The following CADPS2 variants were observed in gnomAD, a reference collection of about 807,000 sequenced individuals.
The protein encoded by CADPS2 is calcium-dependent secretion activator 2.
CADPS2 carries 93 observed loss-of-function variants against 172.5 expected under a neutral mutation model. That is an observed-to-expected ratio of 0.54 (90% CI 0.46 to 0.64). The LOEUF is 0.64. CADPS2 is among the 30% of genes least tolerant of loss of function. CADPS2 has a pLI of 0.00. For synonymous variants in CADPS2, 546 were observed against 555.2 expected, an observed-to-expected ratio of 0.98 and a Z score of 0.23; for missense variants, 1,420 against 1,565.9, an observed-to-expected ratio of 0.91 and a Z score of 1.57.
chr7:122,730,369 G>A (rs559785521), intron 2 of CADPS2, among the ~76,000 whole-genome samples: 2 of 151,728 alleles, frequency 1.3e-5, no homozygotes, highest in East Asian at 1.9e-4. Flanking sequence ...TACTTTGAGG[G>A]CAATTTAATA....
intron 19 of CADPS2, among the ~76,000 whole-genome samples, chr7:122,410,822 A>G (rs2047214194): frequency 6.6e-6 from 1 of 152,256 alleles, no homozygotes; most frequent in Non-Finnish European, 1.5e-5. Context: ...TCCAACACAA[A>G]TTAAATGGTG....
At chr7:122,769,409 A>C (rs13224552) in intron 1 of CADPS2, among the ~76,000 whole-genome samples, 33,649 of 152,004 alleles carry the variant, frequency 0.22, 4,037 homozygotes, top group Middle Eastern at 0.31. Flanking sequence ...GCCCTCCAGG[A>C]ACAGAATCCC....
intron 28 of CADPS2, among the ~76,000 whole-genome samples, chr7:122,340,572 A>G (rs1333414917): frequency 6.6e-6 from 1 of 152,150 alleles, no homozygotes; most frequent in Admixed American, 6.5e-5. Flanking sequence ...GTCAGTTTTG[A>G]CTTCTGAAAA....
intron 1 of CADPS2, among the ~76,000 whole-genome samples, chr7:122,787,260 C>G (rs1794263836): frequency 6.6e-6 from 1 of 152,124 alleles, no homozygotes; most frequent in Admixed American, 6.5e-5. Context: ...AAAATTTTAT[C>G]ACTTGTGTTT....
intron 1 of CADPS2, among the ~76,000 whole-genome samples, chr7:122,816,575 T>C (rs1258554735): frequency 1.3e-5 from 2 of 152,200 alleles, no homozygotes; most frequent in African/African-American, 2.4e-5. Flanking sequence ...GATCATACAG[T>C]AGTTCTATTT....
At chr7:122,751,982 C>A (rs1211562762) in intron 1 of CADPS2, among the ~76,000 whole-genome samples, 2 of 152,126 alleles carry the variant, frequency 1.3e-5, no homozygotes, top group African/African-American at 2.4e-5. Flanking sequence ...TCCTTAGATA[C>A]TCCCATTAGC....
intron 6 of CADPS2, among the ~76,000 whole-genome samples, chr7:122,583,248 T>G (rs1267072054): frequency 6.6e-6 from 1 of 152,056 alleles, no homozygotes; most frequent in Non-Finnish European, 1.5e-5. Flanking sequence ...TGATATATTT[T>G]AAGTGTCCAT....
intron 20 of CADPS2, among the ~76,000 whole-genome samples, chr7:122,396,637 T>C (rs148361264): frequency 1.4e-4 from 21 of 152,330 alleles, no homozygotes; most frequent in African/African-American, 4.6e-4. Flanking sequence ...GATACAGTCA[T>C]AATGACTTTC....
At chr7:122,828,040 G>C (rs1805448629) in intron 1 of CADPS2, among the ~76,000 whole-genome samples, 1 of 152,092 alleles carries the variant, frequency 6.6e-6, no homozygotes, top group African/African-American at 2.4e-5. Context: ...GTGGATGTCT[G>C]ATTTTCCTTT....
At chr7:122,824,625 T>A (rs1233472843) in intron 1 of CADPS2, among the ~76,000 whole-genome samples, 10 of 152,230 alleles carry the variant, frequency 6.6e-5, no homozygotes, top group African/African-American at 1.2e-4. Flanking sequence ...AAATAAATAC[T>A]TTTAGTCCTT....
intron 1 of CADPS2, among the ~76,000 whole-genome samples, chr7:122,782,654 T>A (rs1428703367): frequency 3.3e-5 from 5 of 152,196 alleles, no homozygotes; most frequent in Non-Finnish European, 7.3e-5. Context: ...TTTAATTTCC[T>A]TCTTTGCTTA....
chr7:122,736,358 T>G (rs939356162), intron 2 of CADPS2, among the ~76,000 whole-genome samples: 4 of 152,158 alleles, frequency 2.6e-5, no homozygotes, highest in East Asian at 3.9e-4. Context: ...GAATTGCTTA[T>G]GCAAAAAGTG....
chr7:122,838,109 G>A (rs143993545), intron 1 of CADPS2, among the ~76,000 whole-genome samples: 3,896 of 152,308 alleles, frequency 0.026, 81 homozygotes, highest in Non-Finnish European at 0.041. Context: ...TCCCTGGGAT[G>A]CAAGGCTGGT....
At chr7:122,636,841 T>C (rs4285412) in intron 3 of CADPS2, among the ~76,000 whole-genome samples, 78,495 of 151,676 alleles carry the variant, frequency 0.52, 20,580 homozygotes, top group East Asian at 0.72. Context: ...TTGGTCATCT[T>C]GTATACTATC....
At chr7:122,446,102 G>C (rs1469663904) in intron 15 of CADPS2, among the ~76,000 whole-genome samples, 1 of 152,022 alleles carries the variant, frequency 6.6e-6, no homozygotes, top group Non-Finnish European at 1.5e-5. Context: ...GTTAGCCGTA[G>C]GTCTACCATC....
chr7:122,553,308 A>G (rs1419229490), intron 8 of CADPS2, among the ~76,000 whole-genome samples: 2 of 152,190 alleles, frequency 1.3e-5, no homozygotes, highest in African/African-American at 4.8e-5. Context: ...TGCCTGCTGC[A>G]TAAATTACTG....
chr7:122,755,669 C>T (rs1407257056), intron 1 of CADPS2, among the ~76,000 whole-genome samples: 1 of 151,168 alleles, frequency 6.6e-6, no homozygotes. Flanking sequence ...CTTGGAAGAA[C>T]ACGATTTGTT....
chr7:122,845,697 G>A (rs908289443), intron 1 of CADPS2, among the ~76,000 whole-genome samples: 4 of 152,190 alleles, frequency 2.6e-5, no homozygotes, highest in Non-Finnish European at 5.9e-5. Context: ...GCACAGGGGA[G>A]AGTCTTCAAC....
Position 122,333,272 on chromosome 7 carries a change from T to C in CADPS2, c.3613-7691A>G, listed in dbSNP as rs190307169. Among the ~76,000 whole-genome samples, 612 of 152,354 alleles carry C rather than the reference T, an allele frequency of 4.0e-3. 6 individuals are homozygous for C. Among genetic ancestry groups the C allele is most frequent in the Non-Finnish European group, 3.9e-3 (264 of 68,036 alleles). Reference sequence around the variant, plus strand: ...TAAAAGTATATTGGACTCTTGGAACTGCTATTAAATGGTACAACTTAGTCT... The same window carrying C: ...TAAAAGTATATTGGACTCTTGGAACCGCTATTAAATGGTACAACTTAGTCT... On this transcript the variant is annotated intron_variant, in intron 28 of 29. Coordinates refer to ENST00000449022, the MANE Select transcript of CADPS2 (RefSeq NM_017954.11).
Sources: allele counts gnomAD v4.1 joint callset (sites outside exome capture counted in the v4.1 genomes callset), GRCh38; gene constraint gnomAD v4.1.1; transcripts MANE v1.5; gene names NCBI Gene and HGNC (gene_info 2026-07-23, HGNC 2026-07-21).